PRKCE: variants seen among roughly 807,000 people sequenced by gnomAD.
The protein encoded by PRKCE is protein kinase C epsilon, also known as protein kinase C epsilon type.
Under a neutral mutation model 85.4 loss-of-function variants are expected in PRKCE, and 16 were observed. The ratio of observed to expected loss-of-function variants is 0.19; its 90% confidence interval spans 0.13 to 0.28. PRKCE has a LOEUF of 0.28. Ranked by LOEUF, PRKCE falls within the 10% of genes least tolerant of loss-of-function variation. The probability of loss-of-function intolerance (pLI) is 1.00; values close to 1 mark genes in which losing one functional copy is unlikely to be tolerated. For synonymous variants in PRKCE, 388 were observed against 371.5 expected, an observed-to-expected ratio of 1.04 and a Z score of -0.51; for missense variants, 573 against 975.2, an observed-to-expected ratio of 0.59 and a Z score of 5.49.
intron 1 of PRKCE, among the ~76,000 whole-genome samples, chr2:45,720,769 C>T (rs1680549898): frequency 6.6e-6 from 1 of 152,150 alleles, no homozygotes; most frequent in Admixed American, 6.5e-5. Flanking sequence ...AATATGCCAG[C>T]ACTGTGCTTG....
In PRKCE at chr2:45,796,127, TCCAGCTA is replaced by T. The variant is rs570567235; in HGVS notation, c.349-46872_349-46866del. ...CCCTTCCCTGCTCTACTTGCTGAAC[TCCAGCTA>T]ATTCTTTGATGTCTTCTCCAGGTTC... On this transcript the variant is annotated intron_variant, in intron 1 of 14. Transcript: ENST00000306156. Among the ~76,000 whole-genome samples the T allele has an allele frequency of 3.5e-4, 53 of 152,334 alleles. 1 individual carries two copies. Among genetic ancestry groups the T allele is most frequent in the South Asian group, 2.7e-3 (13 of 4,830 alleles).
chr2:45,862,367 C>T (rs1321915775), intron 2 of PRKCE, among the ~76,000 whole-genome samples: 1 of 152,220 alleles, frequency 6.6e-6, no homozygotes, highest in African/African-American at 2.4e-5. Flanking sequence ...CTGGATCCCT[C>T]TCCAGTGGAA....
At chr2:45,832,764 C>G (rs1299100435) in intron 1 of PRKCE, among the ~76,000 whole-genome samples, 1 of 152,136 alleles carries the variant, frequency 6.6e-6, no homozygotes. Context: ...CTTGGAGAAC[C>G]CGGCTTTAAC....
At chr2:45,804,602 C>T (rs1158316341) in intron 1 of PRKCE, among the ~76,000 whole-genome samples, 1 of 152,114 alleles carries the variant, frequency 6.6e-6, no homozygotes, top group Non-Finnish European at 1.5e-5. Context: ...ACTCTGCTGC[C>T]TGGGTTTTGG....
At chr2:46,111,224 C>T (rs1672226348) in intron 11 of PRKCE, among the ~76,000 whole-genome samples, 1 of 152,120 alleles carries the variant, frequency 6.6e-6, no homozygotes, top group South Asian at 2.1e-4. Flanking sequence ...TAATGCTGTT[C>T]AGGTCAACTA....
At chr2:45,789,418 A>G (rs1686862340) in intron 1 of PRKCE, among the ~76,000 whole-genome samples, 1 of 152,270 alleles carries the variant, frequency 6.6e-6, no homozygotes, top group South Asian at 2.1e-4. Flanking sequence ...GCCTAGGACC[A>G]TAGTGAGACC....
At chr2:45,868,319 CA>C (rs371501864) in intron 2 of PRKCE, among the ~76,000 whole-genome samples, 250 of 36,002 alleles carry the variant, frequency 6.9e-3, no homozygotes, top group South Asian at 9.7e-3. Context: ...CTTTCCTGTC[CA>C]AAAAAAAAAA....
intron 1 of PRKCE, among the ~76,000 whole-genome samples, chr2:45,750,551 G>T (rs919907207): frequency 6.6e-6 from 1 of 152,224 alleles, no homozygotes; most frequent in Admixed American, 6.5e-5. Flanking sequence ...CTGATGCCCA[G>T]ACAAGTTATG....
intron 2 of PRKCE, among the ~76,000 whole-genome samples, chr2:45,881,484 TA>T (rs1314387787): frequency 6.6e-6 from 1 of 152,206 alleles, no homozygotes; most frequent in East Asian, 1.9e-4. Context: ...AATTTATAAA[TA>T]TAGTGATTGC....
chr2:46,116,621 G>A (rs1283818304), intron 11 of PRKCE, among the ~76,000 whole-genome samples: 1 of 152,104 alleles, frequency 6.6e-6, no homozygotes, highest in Non-Finnish European at 1.5e-5. Context: ...GGTCTGTGTA[G>A]CCTTCATTTG....
At chr2:45,914,380 A>G (rs959143808) in intron 2 of PRKCE, among the ~76,000 whole-genome samples, 1 of 152,210 alleles carries the variant, frequency 6.6e-6, no homozygotes, top group African/African-American at 2.4e-5. Context: ...ATGTGTCTCA[A>G]CGATGTGTGG....
chr2:45,850,592 T>C (rs1010112012), intron 2 of PRKCE, among the ~76,000 whole-genome samples: 2 of 152,234 alleles, frequency 1.3e-5, no homozygotes, highest in African/African-American at 4.8e-5. Flanking sequence ...TATTCTTTTA[T>C]CCAGTTGAAA....
chr2:45,731,392 A>T (rs1296420290), intron 1 of PRKCE, among the ~76,000 whole-genome samples: 1 of 152,144 alleles, frequency 6.6e-6, no homozygotes, highest in African/African-American at 2.4e-5. Context: ...CCTGGGAGAG[A>T]TGCCAAAAAA....
At chr2:45,956,961 C>T (rs1701016109) in intron 2 of PRKCE, among the ~76,000 whole-genome samples, 1 of 151,794 alleles carries the variant, frequency 6.6e-6, no homozygotes, top group African/African-American at 2.4e-5. Flanking sequence ...GTGTTGTTCA[C>T]ATTTTTAGCT....
intron 6 of PRKCE, among the ~76,000 whole-genome samples, chr2:45,997,457 A>G (rs112961736): frequency 0.028 from 4,334 of 152,222 alleles, 84 homozygotes; most frequent in African/African-American, 0.053. Flanking sequence ...TATGCATTCA[A>G]TGCTATAAAC....
At chr2:45,735,029 G>A (rs143596168) in intron 1 of PRKCE, among the ~76,000 whole-genome samples, 1 of 152,198 alleles carries the variant, frequency 6.6e-6, no homozygotes, top group Non-Finnish European at 1.5e-5. Context: ...TTGTTTCTGA[G>A]AACAGTCTTC....
intron 10 of PRKCE, among the ~76,000 whole-genome samples, chr2:46,052,142 A>C (rs1708896807): frequency 1.3e-5 from 2 of 152,216 alleles, no homozygotes; most frequent in African/African-American, 4.8e-5. Context: ...TGTCACTGTC[A>C]ACACAGTCCC....
intron 14 of PRKCE, among the ~76,000 whole-genome samples, chr2:46,175,700 C>G (rs539253564): frequency 1.8e-4 from 27 of 152,174 alleles, no homozygotes; most frequent in Non-Finnish European, 3.4e-4. Flanking sequence ...AGAAACCAGT[C>G]TGATTCCATG....
chr2:45,687,765 C>G (rs911490250), intron 1 of PRKCE, among the ~76,000 whole-genome samples: 2 of 152,182 alleles, frequency 1.3e-5, no homozygotes, highest in Non-Finnish European at 2.9e-5. Context: ...AAGGTATTCT[C>G]TAAATTTAGA....
Sources: gnomAD v4.1 joint callset for allele counts (sites outside exome capture counted in the v4.1 genomes callset) on GRCh38, gnomAD v4.1.1 for gene constraint, MANE v1.5 for transcripts, NCBI Gene and HGNC (gene_info 2026-07-23, HGNC 2026-07-21) for gene names.